MAGI2: variants seen among roughly 807,000 people sequenced by gnomAD.
The protein encoded by MAGI2 is membrane-associated guanylate kinase, WW and PDZ domain-containing protein 2.
Under a neutral mutation model 133.3 loss-of-function variants are expected in MAGI2, and 35 were observed. The observed-to-expected ratio is 0.26, with a 90% confidence interval of 0.20 to 0.35. MAGI2 has a LOEUF of 0.35. Among genes scored for constraint, MAGI2 ranks in the 10% least tolerant of loss-of-function variants. The probability of loss-of-function intolerance (pLI) is 1.00; values close to 1 mark genes in which losing one functional copy is unlikely to be tolerated. For missense variants in MAGI2, 1,636 were observed against 1,863.4 expected (o/e 0.88, Z 2.25); for synonymous variants, 729 against 710.6 (o/e 1.03, Z -0.41).
At chr7:78,653,382 A>G (rs923194512) in intron 2 of MAGI2, among the ~76,000 whole-genome samples, 1 of 152,208 alleles carries the variant, frequency 6.6e-6, no homozygotes, top group African/African-American at 2.4e-5. Flanking sequence ...CTTGGAACCA[A>G]CCCAAATGCC....
chr7:78,110,383 CTAAGATGGCAT>C (rs780185485), intron 20 of MAGI2, among the ~76,000 whole-genome samples: 8 of 152,154 alleles, frequency 5.3e-5, no homozygotes, highest in Non-Finnish European at 2.9e-5. Flanking sequence ...ACATGGGACA[CTAAGATGGCAT>C]TAAGATGGCA....
chr7:78,949,754 A>T (rs1228252048), intron 2 of MAGI2, among the ~76,000 whole-genome samples: 1 of 152,174 alleles, frequency 6.6e-6, no homozygotes, highest in Admixed American at 6.6e-5. Flanking sequence ...AGAAATAAAC[A>T]CTGAGTTTCT....
At chr7:78,405,950 G>T (rs887680709) in intron 6 of MAGI2, among the ~76,000 whole-genome samples, 2 of 151,904 alleles carry the variant, frequency 1.3e-5, no homozygotes, top group African/African-American at 4.8e-5. Context: ...GAGAAATGGG[G>T]AGCTGGTGAA....
chr7:78,899,319 T>G (rs1416741282), intron 2 of MAGI2, among the ~76,000 whole-genome samples: 1 of 152,190 alleles, frequency 6.6e-6, no homozygotes, highest in Non-Finnish European at 1.5e-5. Context: ...TGGTTATATA[T>G]ACTTAAATCG....
At chr7:78,388,097 G>C (rs1206593198) in intron 6 of MAGI2, among the ~76,000 whole-genome samples, 1 of 152,058 alleles carries the variant, frequency 6.6e-6, no homozygotes, top group African/African-American at 2.4e-5. Context: ...AACATTACTG[G>C]CTTTGGGGTC....
chr7:78,969,762 T>C lies in MAGI2; in HGVS notation c.418+37328A>G, dbSNP rs906745035. Among the ~76,000 whole-genome samples, 3 of 152,054 alleles carry C rather than the reference T, an allele frequency of 2.0e-5. 1 individual carries two copies. The highest frequency in any genetic ancestry group is 4.1e-4 in the South Asian group (2 of 4,822). On this transcript the variant is annotated intron_variant, in intron 2 of 21. Transcript: ENST00000354212. ...CAGTTGACTCGAAATTACTGCCTAC[T>C]TTTTCTAAAATAATAGTAAATAAAA...
At chr7:78,300,702 A>C (rs965069359) in intron 9 of MAGI2, among the ~76,000 whole-genome samples, 2 of 152,226 alleles carry the variant, frequency 1.3e-5, no homozygotes, top group African/African-American at 4.8e-5. Flanking sequence ...GAAAGAACTG[A>C]TTCCCCAGGG....
intron 1 of MAGI2, among the ~76,000 whole-genome samples, chr7:79,015,225 C>T (rs1295756940): frequency 6.6e-6 from 1 of 151,974 alleles, no homozygotes; most frequent in Non-Finnish European, 1.5e-5. Context: ...GAGGCTGAGG[C>T]AGGAGGATCA....
rs181048514 is a variant in MAGI2, at chr7:79,381,998, A to C, written c.301+71022T>G. ...ACAGCTTAAGTGTTCCACCATGACA[A>C]CATTGGTGCTGGTCCTGATACTGCT... On this transcript the variant is annotated intron_variant, in intron 1 of 21. Coordinates refer to ENST00000354212, the MANE Select transcript of MAGI2 (RefSeq NM_012301.4). Among the ~76,000 whole-genome samples the C allele has an allele frequency of 2.3e-4, 35 of 151,816 alleles. 1 individual carries two copies. In the East Asian group the frequency reaches 3.7e-3, roughly 16 times the overall value.
chr7:79,349,020 T>C (rs1160177203), intron 1 of MAGI2, among the ~76,000 whole-genome samples: 1 of 151,992 alleles, frequency 6.6e-6, no homozygotes, highest in East Asian at 1.9e-4. Context: ...CTCTGTTATG[T>C]AAGTAAAACT....
At chr7:78,885,728 A>C (rs1584277790) in intron 2 of MAGI2, among the ~76,000 whole-genome samples, 1 of 151,616 alleles carries the variant, frequency 6.6e-6, no homozygotes, top group African/African-American at 2.4e-5. Flanking sequence ...ATTTACTATA[A>C]TATATTTTGA....
rs141463907 is a variant in MAGI2 at position 79,183,285 on chromosome 7, T to C, written c.302-176079A>G. Among the ~76,000 whole-genome samples the C allele has an allele frequency of 7.7e-3, 1,164 of 151,954 alleles. 26 individuals carry two copies. Among genetic ancestry groups the C allele is most frequent in the African/African-American group, 0.026 (1,088 of 41,382 alleles). ...TCTGACTTGATAATTATATATATTATGTATGCAACGAAATTTCTCATGGAC... is the reference window on the plus strand; with the variant it reads ...TCTGACTTGATAATTATATATATTACGTATGCAACGAAATTTCTCATGGAC... On this transcript the variant is annotated intron_variant, in intron 1 of 21. Transcript: ENST00000354212.
intron 1 of MAGI2, among the ~76,000 whole-genome samples, chr7:79,313,961 T>TGC (rs1838502106): frequency 6.6e-6 from 1 of 151,406 alleles, no homozygotes; most frequent in South Asian, 2.1e-4. Context: ...CACCACCACA[T>TGC]CCTGCTAATT....
intron 1 of MAGI2, among the ~76,000 whole-genome samples, chr7:79,038,509 A>G (rs1811325135): frequency 6.6e-6 from 1 of 152,092 alleles, no homozygotes; most frequent in South Asian, 2.1e-4. Flanking sequence ...TGATAACTCT[A>G]TTGCATTCAG....
intron 2 of MAGI2, among the ~76,000 whole-genome samples, chr7:78,982,240 C>T (rs184010308): frequency 1.3e-5 from 2 of 151,824 alleles, no homozygotes; most frequent in Admixed American, 1.3e-4. Context: ...TATATTTTAA[C>T]TAGCAATTAA....
intron 6 of MAGI2, among the ~76,000 whole-genome samples, chr7:78,372,611 TTTAA>T (rs1222746503): frequency 2.6e-5 from 4 of 152,178 alleles, no homozygotes; most frequent in African/African-American, 9.6e-5. Context: ...TAAGAACTGT[TTTAA>T]TTGAGATTTT....
chr7:78,982,339 T>C (rs566744361), intron 2 of MAGI2, among the ~76,000 whole-genome samples: 1 of 152,066 alleles, frequency 6.6e-6, no homozygotes, highest in East Asian at 1.9e-4. Context: ...CTTCAGTTTA[T>C]TCATGATAAA....
intron 1 of MAGI2, among the ~76,000 whole-genome samples, chr7:79,338,060 A>G (rs1312890951): frequency 6.6e-6 from 1 of 152,050 alleles, no homozygotes; most frequent in Admixed American, 6.6e-5. Context: ...ATGCTCTCAA[A>G]ATGTTAGTCG....
chr7:79,008,307 A>G (rs1562780583), intron 1 of MAGI2, among the ~76,000 whole-genome samples: 1 of 152,164 alleles, frequency 6.6e-6, no homozygotes, highest in African/African-American at 2.4e-5. Flanking sequence ...CACACAAACT[A>G]GCATTATGTA....
Sources: gnomAD v4.1 joint callset for allele counts (sites outside exome capture counted in the v4.1 genomes callset) on GRCh38, gnomAD v4.1.1 for gene constraint, MANE v1.5 for transcripts, NCBI Gene and HGNC (gene_info 2026-07-23, HGNC 2026-07-21) for gene names.